The following MED13L variants were observed in gnomAD, a reference collection of about 807,000 sequenced individuals.
MED13L encodes mediator complex subunit 13L, also known as mediator of RNA polymerase II transcription subunit 13-like.
In MED13L, 7 loss-of-function variants were observed where a neutral mutation model predicts 220.9. That is an observed-to-expected ratio of 0.03 (90% CI 0.02 to 0.06). The LOEUF (loss-of-function observed/expected upper bound fraction) is 0.06, where lower values mean the gene tolerates loss of function less well. Ranked by LOEUF, MED13L falls within the 10% of genes least tolerant of loss-of-function variation. The probability of loss-of-function intolerance (pLI) is 1.00; values close to 1 mark genes in which losing one functional copy is unlikely to be tolerated. For synonymous variants in MED13L, 1,011 were observed against 1,015.2 expected (o/e 1.00, Z 0.08); for missense variants, 1,965 against 2,760.5 (o/e 0.71, Z 6.46).
chr12:116,125,162 TA>T (rs1489256108), intron 2 of MED13L, among the ~76,000 whole-genome samples: 2 of 152,192 alleles, frequency 1.3e-5, no homozygotes, highest in Non-Finnish European at 2.9e-5. Context: ...TTGAAACCTG[TA>T]ATAGCTTTTC....
chr12:116,003,783 C>T (rs1878888546), intron 13 of MED13L, among the ~76,000 whole-genome samples: 1 of 152,058 alleles, frequency 6.6e-6, no homozygotes, highest in South Asian at 2.1e-4. Context: ...TACAATGTCA[C>T]AACATTGAAA....
Position 116,019,273 on chromosome 12 carries a change from G to A in MED13L, c.960C>T (p.Asn320=). 1 of 1,613,938 alleles carries A rather than the reference G, an allele frequency of 6.2e-7. No individual in the cohort carries two copies. The highest frequency in any genetic ancestry group is 1.3e-5 in the African/African-American group (1 of 75,006). ...QGLGSVKDPS[N]CGMPLTPPTS... is the part of the protein sequence containing the mutation. ...TGGGAGGGGTCAGAGGCATCCCACA[G>A]TTACTTGGGTCCTTCACACTACCAA... Residue 320 remains asparagine (N), a synonymous_variant, in exon 7 of 31, where the codon AAC becomes AAT. Transcript: ENST00000281928.
At chr12:116,161,941 TA>T (rs932022506) in intron 2 of MED13L, among the ~76,000 whole-genome samples, 1 of 152,080 alleles carries the variant, frequency 6.6e-6, no homozygotes, top group Non-Finnish European at 1.5e-5. Context: ...AACAAGTTCT[TA>T]GGTGACGGGG....
At chr12:116,253,745 T>TTTTTTTCG (rs1565951353) in intron 1 of MED13L, among the ~76,000 whole-genome samples, 1 of 141,676 alleles carries the variant, frequency 7.1e-6, no homozygotes, top group African/African-American at 2.7e-5. Context: ...ACCTTCACGG[T>TTTTTTTCG]TTTTTTTGTT....
At chr12:116,138,941 C>G (rs1423904516) in intron 2 of MED13L, among the ~76,000 whole-genome samples, 1 of 152,146 alleles carries the variant, frequency 6.6e-6, no homozygotes, top group Non-Finnish European at 1.5e-5. Flanking sequence ...CTAGTAACTG[C>G]TTAAATTCAG....
intron 4 of MED13L, among the ~76,000 whole-genome samples, chr12:116,095,865 A>C (rs1872594571): frequency 6.6e-6 from 1 of 152,178 alleles, no homozygotes; most frequent in South Asian, 2.1e-4. Flanking sequence ...ATGTCTGTAT[A>C]GTATCAAGGA....
intron 1 of MED13L, among the ~76,000 whole-genome samples, chr12:116,253,744 G>GTTTTTTTCGTT (rs1565951343): frequency 1.8e-5 from 2 of 108,686 alleles, no homozygotes; most frequent in African/African-American, 7.6e-5. Context: ...CACCTTCACG[G>GTTTTTTTCGTT]TTTTTTTTGT....
chr12:116,169,735 G>T (rs959628924), intron 2 of MED13L, among the ~76,000 whole-genome samples: 1 of 152,196 alleles, frequency 6.6e-6, no homozygotes, highest in Non-Finnish European at 1.5e-5. Context: ...CAAGCCAGGT[G>T]TGTTGGCCAG....
chr12:116,175,153 A>T (rs924345269), intron 2 of MED13L, among the ~76,000 whole-genome samples: 1 of 152,204 alleles, frequency 6.6e-6, no homozygotes, highest in Non-Finnish European at 1.5e-5. Flanking sequence ...AAAAAAGAGT[A>T]TTAAGACTCC....
At chr12:116,138,551 T>G (rs534072478) in intron 2 of MED13L, among the ~76,000 whole-genome samples, 1 of 152,348 alleles carries the variant, frequency 6.6e-6, no homozygotes, top group South Asian at 2.1e-4. Flanking sequence ...TAGAGTTTTA[T>G]GATTCAGTAA....
At chr12:116,090,328 T>G (rs924817385) in intron 4 of MED13L, among the ~76,000 whole-genome samples, 2 of 152,228 alleles carry the variant, frequency 1.3e-5, no homozygotes, top group Non-Finnish European at 2.9e-5. Context: ...TTTCTTGATC[T>G]GATTATGAGT....
intron 4 of MED13L, among the ~76,000 whole-genome samples, chr12:116,074,373 C>T (rs570194011): frequency 1.3e-5 from 2 of 152,258 alleles, no homozygotes; most frequent in East Asian, 1.9e-4. Context: ...CTAGCCTGGG[C>T]GACAGAGTGA....
intron 1 of MED13L, among the ~76,000 whole-genome samples, chr12:116,248,959 G>A (rs1479835448): frequency 6.6e-6 from 1 of 152,220 alleles, no homozygotes; most frequent in African/African-American, 2.4e-5. Flanking sequence ...ATACAAATGA[G>A]GTGGGCCCTA....
At chr12:115,973,480 C>T (rs1876724885) in intron 25 of MED13L, among the ~76,000 whole-genome samples, 1 of 152,192 alleles carries the variant, frequency 6.6e-6, no homozygotes, top group South Asian at 2.1e-4. Context: ...CATTCCTCTC[C>T]ACTAAGAGAT....
chr12:116,005,839 T>G, intron 13 of MED13L, 30 bp downstream of exon 13: 1 of 1,613,312 alleles, frequency 6.2e-7, no homozygotes, highest in South Asian at 1.1e-5. Context: ...TGTAGCGAAA[T>G]TTTTGTTTAT....
rs529274182 is a variant in MED13L, at chr12:115,989,663, T to C, written c.3934+1357A>G. Among the ~76,000 whole-genome samples, 3 of 152,232 alleles carry C rather than the reference T, an allele frequency of 2.0e-5. No individual in the cohort carries two copies. The South Asian group carries it at 6.2e-4, about 32-fold the overall frequency. The stretch of plus-strand genomic sequence containing the variant: ...CTTCCACAACTCAATTTATAAACTT[T>C]CTCTCCAGATATAGTCTTATCTTTG... On this transcript the variant is annotated intron_variant, in intron 17 of 30. Transcript: ENST00000281928.
intron 4 of MED13L, among the ~76,000 whole-genome samples, chr12:116,049,800 C>CATCTGAGGACTACAATTCTAA (rs1367539865): frequency 6.6e-6 from 1 of 152,132 alleles, no homozygotes. Context: ...ATTATAAAAA[C>CATCTGAGGACTACAATTCTAA]ATCTGAGGAC....
chr12:116,081,017 A>G (rs953199770), intron 4 of MED13L, among the ~76,000 whole-genome samples: 5 of 152,130 alleles, frequency 3.3e-5, no homozygotes, highest in Non-Finnish European at 2.9e-5. Flanking sequence ...CACAATCCAC[A>G]TTTCACTGTT....
intron 4 of MED13L, among the ~76,000 whole-genome samples, chr12:116,034,986 A>G (rs1160051227): frequency 6.6e-6 from 1 of 152,140 alleles, no homozygotes; most frequent in East Asian, 1.9e-4. Flanking sequence ...GCCTGAACGA[A>G]AAAGCGAGAC....
Sources: allele counts gnomAD v4.1 joint callset (sites outside exome capture counted in the v4.1 genomes callset), GRCh38; gene constraint gnomAD v4.1.1; transcripts MANE v1.5; gene names NCBI Gene and HGNC (gene_info 2026-07-23, HGNC 2026-07-21).